Variants in MCTP1 observed in about 807,000 individuals in gnomAD.
MCTP1 encodes the protein multiple C2 and transmembrane domain containing 1.
Under a neutral mutation model 120.6 loss-of-function variants are expected in MCTP1, and 69 were observed. That is an observed-to-expected ratio of 0.57 (90% CI 0.47 to 0.70). MCTP1 has a LOEUF of 0.70. Among genes scored for constraint, MCTP1 ranks in the 30% least tolerant of loss-of-function variants. The pLI, the probability that MCTP1 is intolerant of heterozygous loss-of-function variation, is 0.00. For synonymous variants in MCTP1, 529 were observed against 493.1 expected (o/e 1.07, Z -0.96); for missense variants, 1,203 against 1,248.8 (o/e 0.96, Z 0.55).
chr5:95,027,717 C>T (rs148132051), intron 1 of MCTP1, among the ~76,000 whole-genome samples: 1 of 152,296 alleles, frequency 6.6e-6, no homozygotes, highest in Non-Finnish European at 1.5e-5. Context: ...AGCTGAGGGT[C>T]CACTGCTCCG....
chr5:95,095,087 G>C (rs1186061212), intron 1 of MCTP1, among the ~76,000 whole-genome samples: 3 of 118,208 alleles, frequency 2.5e-5, no homozygotes, highest in Non-Finnish European at 4.9e-5. Flanking sequence ...GCAGTGGCGC[G>C]ATCTAGGCTC....
At chr5:94,851,197 A>G (rs1434260670) in intron 17 of MCTP1, among the ~76,000 whole-genome samples, 1 of 152,118 alleles carries the variant, frequency 6.6e-6, no homozygotes, top group Non-Finnish European at 1.5e-5. Context: ...CTTTAAAACT[A>G]TAAGGCAAGT....
intron 1 of MCTP1, among the ~76,000 whole-genome samples, chr5:95,242,985 C>T (rs1756337890): frequency 6.6e-6 from 1 of 152,168 alleles, no homozygotes; most frequent in African/African-American, 2.4e-5. Flanking sequence ...AAAATTAGAA[C>T]TTCCACTATT....
intron 1 of MCTP1, among the ~76,000 whole-genome samples, chr5:95,255,470 A>C (rs1314490991): frequency 6.6e-6 from 1 of 152,140 alleles, no homozygotes; most frequent in Non-Finnish European, 1.5e-5. Flanking sequence ...AAACCAAACA[A>C]AAAGCTTTCT....
intron 2 of MCTP1, among the ~76,000 whole-genome samples, chr5:94,997,527 T>C (rs558410810): frequency 5.9e-5 from 9 of 152,320 alleles, no homozygotes; most frequent in African/African-American, 2.2e-4. Context: ...CACACGTGCA[T>C]GTAGTAAATG....
chr5:95,147,173 G>A (rs556663364), intron 1 of MCTP1, among the ~76,000 whole-genome samples: 41 of 152,064 alleles, frequency 2.7e-4, no homozygotes, highest in African/African-American at 6.3e-4. Context: ...TGCCAGCTCC[G>A]CCTCCTGGGT....
intron 9 of MCTP1, among the ~76,000 whole-genome samples, 154 bp from the exon 10 acceptor site, chr5:94,909,535 C>G (rs189146101): frequency 1.3e-5 from 2 of 151,978 alleles, no homozygotes; most frequent in African/African-American, 4.8e-5. Context: ...GGAAATAACT[C>G]ATTAGATCTC....
At chr5:94,720,056 G>GCA (rs1246855247) in intron 19 of MCTP1, among the ~76,000 whole-genome samples, 1 of 152,092 alleles carries the variant, frequency 6.6e-6, no homozygotes, top group South Asian at 2.1e-4. Context: ...AACCTGGGAG[G>GCA]CAGAGGTTGC....
intron 2 of MCTP1, among the ~76,000 whole-genome samples, chr5:94,958,480 C>T (rs1029513829): frequency 2.0e-5 from 3 of 152,038 alleles, no homozygotes; most frequent in Non-Finnish European, 2.9e-5. Flanking sequence ...GAATCCAGGA[C>T]CTGGTTTTTG....
intron 7 of MCTP1, among the ~76,000 whole-genome samples, chr5:94,922,997 C>CAAAAAAAA (rs202245253): frequency 2.0e-5 from 2 of 99,544 alleles, no homozygotes; most frequent in Non-Finnish European, 4.0e-5. Flanking sequence ...TAAAAAGCTG[C>CAAAAAAAA]AAAAAAAAAA....
chr5:94,725,719 T>A (rs1761984934), intron 19 of MCTP1, among the ~76,000 whole-genome samples: 1 of 152,152 alleles, frequency 6.6e-6, no homozygotes, highest in Admixed American at 6.6e-5. Flanking sequence ...AAATGCTGCT[T>A]CCATCATTTT....
chr5:94,954,687 T>G (rs1296646110), intron 2 of MCTP1, among the ~76,000 whole-genome samples: 1 of 152,200 alleles, frequency 6.6e-6, no homozygotes, highest in Non-Finnish European at 1.5e-5. Flanking sequence ...CTTCACTGAT[T>G]TAAATAGTTT....
intron 1 of MCTP1, among the ~76,000 whole-genome samples, chr5:95,062,587 C>T (rs1395456325): frequency 6.6e-6 from 1 of 152,158 alleles, no homozygotes; most frequent in East Asian, 1.9e-4. Context: ...GTCCCCTCAG[C>T]ATGGGATTGG....
chr5:94,990,516 A>G (rs1235481868), intron 2 of MCTP1, among the ~76,000 whole-genome samples: 1 of 152,198 alleles, frequency 6.6e-6, no homozygotes, highest in African/African-American at 2.4e-5. Flanking sequence ...CTTCAAGGCC[A>G]GCAAGAGGGT....
At chr5:95,023,591 A>G (rs1312909327) in intron 1 of MCTP1, among the ~76,000 whole-genome samples, 1 of 152,226 alleles carries the variant, frequency 6.6e-6, no homozygotes, top group African/African-American at 2.4e-5. Context: ...GCCCAACTCC[A>G]TAAAAGAACA....
intron 19 of MCTP1, among the ~76,000 whole-genome samples, chr5:94,777,927 C>CGTGTGTGT (rs71615135): frequency 0.043 from 6,378 of 148,902 alleles, 169 homozygotes; most frequent in African/African-American, 0.072. Flanking sequence ...AGAAAGTGTG[C>CGTGTGTGT]GTGTGTGTGT....
intron 1 of MCTP1, among the ~76,000 whole-genome samples, chr5:95,017,891 T>A (rs1194612908): frequency 6.6e-6 from 1 of 152,134 alleles, no homozygotes; most frequent in African/African-American, 2.4e-5. Flanking sequence ...ATTAAAATGA[T>A]TGATTCAGGT....
intron 12 of MCTP1, among the ~76,000 whole-genome samples, chr5:94,880,296 T>C (rs1350457500): frequency 6.6e-6 from 1 of 152,142 alleles, no homozygotes; most frequent in African/African-American, 2.4e-5. Context: ...TTAGATACTT[T>C]AGGACTTATA....
chr5:94,931,809 G>A (rs1814752661), intron 6 of MCTP1, 144 bp downstream of exon 6: 1 of 666,794 alleles, frequency 1.5e-6, no homozygotes, highest in South Asian at 1.9e-5. Context: ...AACATCACAT[G>A]GTTGGCTTAA....
Sources: gnomAD v4.1 joint callset for allele counts (sites outside exome capture counted in the v4.1 genomes callset) on GRCh38, gnomAD v4.1.1 for gene constraint, MANE v1.5 for transcripts, NCBI Gene and HGNC (gene_info 2026-07-23, HGNC 2026-07-21) for gene names.